MACF1: variants seen among roughly 807,000 people sequenced by gnomAD.
MACF1 encodes the protein microtubule-actin cross-linking factor 1.
Under a neutral mutation model 854.8 loss-of-function variants are expected in MACF1, and 193 were observed. The observed-to-expected ratio is 0.23, with a 90% confidence interval of 0.20 to 0.25. MACF1 has a LOEUF of 0.25. Among genes scored for constraint, MACF1 ranks in the 10% least tolerant of loss-of-function variants. MACF1 has a pLI of 1.00. For synonymous variants in MACF1, 3,185 were observed against 3,226.7 expected, an observed-to-expected ratio of 0.99 and a Z score of 0.44; for missense variants, 7,722 against 8,929.1, an observed-to-expected ratio of 0.86 and a Z score of 5.45.
At chr1:39,260,913 G>T (rs867707631) in intron 6 of MACF1, among the ~76,000 whole-genome samples, 8 of 151,920 alleles carry the variant, frequency 5.3e-5, no homozygotes, top group Non-Finnish European at 1.2e-4. Context: ...ACAGAGATCT[G>T]TAAAATCATA....
rs1239441617 is a variant in MACF1, at chr1:39,084,199, C to A, written c.-20C>A. On this transcript the variant is annotated 5_prime_UTR_variant, in exon 2 of 94. Transcript: ENST00000361689. This position sits in a 1 kb window ranked among gnomAD's most constrained non-coding sequence, Gnocchi z 5.2. The stretch of plus-strand genomic sequence containing the variant: ...CTCCCTGGGCTCCCAGGCCCTCCTG[C>A]AGCAGCCCCCGCCTGGGCCATGTCT... 2 of 1,608,362 alleles carry A rather than the reference C, an allele frequency of 1.2e-6. No individual in the cohort carries two copies. Among genetic ancestry groups the A allele is most frequent in the African/African-American group, 2.7e-5 (2 of 75,016 alleles).
At chr1:39,189,892 A>G (rs944619001) in intron 2 of MACF1, among the ~76,000 whole-genome samples, 2 of 152,128 alleles carry the variant, frequency 1.3e-5, no homozygotes, top group African/African-American at 4.8e-5. Flanking sequence ...TTTTTTTGTT[A>G]TTGATAACAA....
chr1:39,469,808 T>C (rs1644742982), intron 97 of MACF1, among the ~76,000 whole-genome samples, 193 bp downstream of exon 97: 1 of 152,256 alleles, frequency 6.6e-6, no homozygotes, highest in South Asian at 2.1e-4. Context: ...TCCATGGAAT[T>C]TGTTTTGAGT....
At chr1:39,372,632 A>G (rs371359507) in intron 52 of MACF1, 36 bp downstream of exon 52, 1 of 1,437,826 alleles carries the variant, frequency 7.0e-7, no homozygotes, top group Non-Finnish European at 9.8e-7. Flanking sequence ...GTGAATAAAA[A>G]TTGCTCTTTG....
rs567161871 is a variant in MACF1 at position 39,328,825 on chromosome 1, C to G, written c.4614+1472C>G. On this transcript the variant is annotated intron_variant, in intron 36 of 100. Coordinates refer to ENST00000564288, the MANE Select transcript of MACF1 (RefSeq NM_001394062.1). ...TGAGTTTCTCTGGATTTTTTCCCAG[C>G]TGAGTATTTCCTGCCTATCCTTCAA... is the stretch of plus-strand genomic sequence containing the variant. 8 of 152,288 alleles carry G rather than the reference C, an allele frequency of 5.3e-5. No homozygotes were observed. The East Asian group carries it at 1.4e-3, about 26-fold the overall frequency. The allele number at this position is 152,288 out of a possible 1,614,324, so 9.4% of individuals were successfully genotyped here.
chr1:39,430,962 A>G, intron 66 of MACF1, 54 bp downstream of exon 66: 1 of 1,458,054 alleles, frequency 6.9e-7, no homozygotes, highest in Non-Finnish European at 9.6e-7. Context: ...GATGTGTGAG[A>G]TACAGTACTA....
intron 97 of MACF1, among the ~76,000 whole-genome samples, chr1:39,472,772 C>T (rs1644801831): frequency 6.6e-6 from 1 of 151,908 alleles, no homozygotes; most frequent in African/African-American, 2.4e-5. Flanking sequence ...AGCATAAGGA[C>T]CAAGAAGATG....
rs777104032 is a variant in MACF1, at chr1:39,434,602, G to A, written c.17754G>A (p.Glu5918=). Residue 5918 remains glutamate (E), a synonymous_variant, in exon 69 of 101, where the codon GAG becomes GAA. Transcript: ENST00000564288. ...TACCCTCTCCAGCCATTGATCATGAGCAGCTCAGGCAGCAACAAGAGGAAA... is the reference window on the plus strand; with the variant it reads ...TACCCTCTCCAGCCATTGATCATGAACAGCTCAGGCAGCAACAAGAGGAAA... ...AQLPSPAIDH[E]QLRQQQEEMR... 4 of 1,614,014 alleles carry A rather than the reference G, an allele frequency of 2.5e-6. No individual in the cohort carries two copies. The highest frequency in any genetic ancestry group is 4.5e-5 in the East Asian group (2 of 44,894).
At chr1:39,207,258 T>TTTTCTTTC (rs151191283) in intron 1 of MACF1, among the ~76,000 whole-genome samples, 4 of 150,710 alleles carry the variant, frequency 2.7e-5, no homozygotes, top group African/African-American at 5.0e-5. Context: ...ATAGTTGTTT[T>TTTTCTTTC]TTTCTTTCTT....
chr1:39,377,732 G>A (rs1040455016), intron 52 of MACF1, among the ~76,000 whole-genome samples: 5 of 152,136 alleles, frequency 3.3e-5, no homozygotes, highest in African/African-American at 7.2e-5. Flanking sequence ...GGCCAGGCAC[G>A]GTGACTCATG....
intron 2 of MACF1, among the ~76,000 whole-genome samples, chr1:39,132,993 T>C (rs565110482): frequency 9.2e-5 from 14 of 152,340 alleles, no homozygotes; most frequent in Admixed American, 5.2e-4. Flanking sequence ...ATGCTGTGGA[T>C]TCTGCTCTTG....
chr1:39,200,874 A>T (rs571142478), upstream of MACF1, among the ~76,000 whole-genome samples: 523 of 152,344 alleles, frequency 3.4e-3, 2 homozygotes, highest in Non-Finnish European at 5.6e-3. Context: ...CAGGAGTTTG[A>T]GACCAGCCTG....
At chr1:39,270,553 C>T (rs1645296353) in intron 6 of MACF1, among the ~76,000 whole-genome samples, 1 of 152,100 alleles carries the variant, frequency 6.6e-6, no homozygotes, top group African/African-American at 2.4e-5. Flanking sequence ...GAGATAAGGA[C>T]TCAGCAAGAC....
At chr1:39,275,082 T>A (rs1239071381) in intron 6 of MACF1, among the ~76,000 whole-genome samples, 1 of 149,872 alleles carries the variant, frequency 6.7e-6, no homozygotes, top group South Asian at 2.1e-4. Flanking sequence ...TAAGATACTT[T>A]TTTTTTTTTT....
chr1:39,440,111 C>CTTTTCTTTTCTTTTTTTTTTTTTTTTT (rs1553414036), intron 72 of MACF1, among the ~76,000 whole-genome samples: 2 of 64,568 alleles, frequency 3.1e-5, no homozygotes, highest in African/African-American at 1.3e-4. Flanking sequence ...CTTTTCTTTT[C>CTTTTCTTTTCTTTTTTTTTTTTTTTTT]TTTTTTTTTT....
chr1:39,134,699 T>C (rs1011086698), intron 2 of MACF1, among the ~76,000 whole-genome samples: 3 of 152,216 alleles, frequency 2.0e-5, no homozygotes, highest in African/African-American at 7.2e-5. Flanking sequence ...TAAAACACAT[T>C]GGTTGGCACA....
Position 39,388,120 on chromosome 1 carries a change from C to T in MACF1, c.15278C>T (p.Ala5093Val), listed in dbSNP as rs1397272084. The T allele has an allele frequency of 3.1e-6, 5 of 1,614,016 alleles. No homozygotes were observed. Among genetic ancestry groups the T allele is most frequent in the African/African-American group, 1.3e-5 (1 of 74,892 alleles). ...GSDASQLLHQ[A>V]EVAQQEFLEV... is the part of the protein sequence containing the mutation. The stretch of plus-strand genomic sequence containing the variant: ...GATGCTTCTCAACTTCTCCACCAAG[C>T]TGAGGTCGCCCAGCAAGAGTTCCTC... The change falls in exon 58 of 101, where the codon GCT (alanine) becomes GTT (valine). Residue 5093 changes from alanine to valine, a missense_variant. Ala to Val is a moderately conservative substitution (Grantham distance 64, BLOSUM62 0). Transcript: ENST00000564288.
intron 45 of MACF1, 41 bp from the exon 46 acceptor site, chr1:39,358,656 G>T: frequency 6.2e-7 from 1 of 1,601,730 alleles, no homozygotes; most frequent in South Asian, 1.1e-5. Flanking sequence ...CCTTTGGCCT[G>T]ACCTTGCTTA....
chr1:39,419,968 A>G (rs963551848), intron 58 of MACF1, among the ~76,000 whole-genome samples: 9 of 151,986 alleles, frequency 5.9e-5, no homozygotes, highest in South Asian at 2.1e-4. Flanking sequence ...TGCCTAGCCT[A>G]TTTTACTTTT....
Sources: gnomAD v4.1 joint callset for allele counts (sites outside exome capture counted in the v4.1 genomes callset) on GRCh38, gnomAD v4.1.1 for gene constraint, Gnocchi (gnomAD v3.1) non-coding constraint, MANE v1.5 for transcripts, NCBI Gene and HGNC (gene_info 2026-07-23, HGNC 2026-07-21) for gene names.